TRIM37: variants seen among roughly 807,000 people sequenced by gnomAD.
TRIM37 encodes the protein tripartite motif containing 37, also known as E3 ubiquitin-protein ligase TRIM37.
Under a neutral mutation model 129.8 loss-of-function variants are expected in TRIM37, and 80 were observed. That is an observed-to-expected ratio of 0.62 (90% CI 0.51 to 0.74). The LOEUF is 0.74. TRIM37 is among the 30% of genes least tolerant of loss of function. The probability of loss-of-function intolerance (pLI) is 0.00; values close to 1 mark genes in which losing one functional copy is unlikely to be tolerated. For missense variants in TRIM37, 1,054 were observed against 1,176.5 expected (o/e 0.90, Z 1.52); for synonymous variants, 389 against 387.1 (o/e 1.00, Z -0.06).
intron 16 of TRIM37, among the ~76,000 whole-genome samples, chr17:59,042,573 G>A (rs1265196887): frequency 6.6e-6 from 1 of 150,502 alleles, no homozygotes; most frequent in Admixed American, 6.6e-5. Flanking sequence ...GACCAGCCTG[G>A]CCAACATGGC....
intron 2 of TRIM37, among the ~76,000 whole-genome samples, chr17:59,093,456 T>C (rs2044576919): frequency 6.6e-6 from 1 of 152,206 alleles, no homozygotes; most frequent in African/African-American, 2.4e-5. Context: ...CTCCTACTCA[T>C]TGTTTAGATT....
At chr17:59,068,315 G>A (rs1352039674) in intron 9 of TRIM37, among the ~76,000 whole-genome samples, 2 of 152,194 alleles carry the variant, frequency 1.3e-5, no homozygotes, top group Admixed American at 1.3e-4. Flanking sequence ...TGCTCAAGAC[G>A]CATTTCTGAA....
In TRIM37 at chr17:59,028,487, A is replaced by C. The variant is rs1457155435; in HGVS notation, c.2185T>G (p.Ser729Ala). The C allele has an allele frequency of 6.2e-7, 1 of 1,614,204 alleles. No homozygotes were observed. Among genetic ancestry groups the C allele is most frequent in the African/African-American group, 1.3e-5 (1 of 75,062 alleles). The stretch of plus-strand genomic sequence containing the variant: ...ATTCCCAAATCCTGCAATCTGCCAG[A>C]GTTTTCAGTTCCACATGCAGCCAGA... ...AALAACGTENSGRLQDLGMEL... is the reference protein window; with the variant it reads ...AALAACGTENAGRLQDLGMEL... The change falls in exon 19 of 24, where the codon TCT (serine) becomes GCT (alanine). Residue 729 changes from serine (S) to alanine (A), a missense_variant. Physicochemically the swap from Ser to Ala is moderately conservative, Grantham distance 99 (BLOSUM62 1). Around this residue, in one of 3 missense-constraint regions of TRIM37, gnomAD observed 15 missense variants for 31.4 expected, o/e 0.48. Transcript: ENST00000262294.
intron 24 of TRIM37, among the ~76,000 whole-genome samples, chr17:58,985,575 T>C (rs911180762): frequency 2.0e-5 from 3 of 152,174 alleles, no homozygotes; most frequent in African/African-American, 7.2e-5. Context: ...AAGGAAATCA[T>C]CAGATGAGCT....
At chr17:59,034,599 A>T (rs1428972532) in intron 17 of TRIM37, among the ~76,000 whole-genome samples, 4 of 151,928 alleles carry the variant, frequency 2.6e-5, no homozygotes, top group African/African-American at 9.7e-5. Flanking sequence ...ACCTCAGGTG[A>T]TTGGCCCGCC....
chr17:59,009,443 C>CTTTT (rs61545184), intron 22 of TRIM37, among the ~76,000 whole-genome samples: 3 of 107,622 alleles, frequency 2.8e-5, no homozygotes, highest in African/African-American at 9.7e-5. Flanking sequence ...AATTTCTTTT[C>CTTTT]TTTTTTTTTT....
the TRIM37 span, among the ~76,000 whole-genome samples, chr17:58,972,560 A>G: frequency 1.3e-5 from 2 of 152,160 alleles, no homozygotes; most frequent in African/African-American, 4.8e-5. Flanking sequence ...CATGTTGGCC[A>G]GGCTGGTCTT....
In TRIM37 at chr17:59,079,909, T is replaced by C. The variant is rs1486586043; in HGVS notation, c.493-32A>G. ...GATAAAGAGGTAAGAATAATTTTAA[T>C]TGGGTAAATTTTAAAAACAGAAGCA... On this transcript the variant is annotated intron_variant, in intron 6 of 23. Transcript: ENST00000262294. The C allele has an allele frequency of 2.5e-6, 4 of 1,608,154 alleles. No individual in the cohort carries two copies. The African/African-American group carries it at 4.0e-5, about 16-fold the overall frequency.
chr17:59,099,223 G>C (rs532706883), intron 2 of TRIM37, among the ~76,000 whole-genome samples: 1 of 151,944 alleles, frequency 6.6e-6, no homozygotes, highest in Admixed American at 6.6e-5. Flanking sequence ...ACAAAAAGTG[G>C]TATATAGCCA....
At chr17:59,066,711 T>G (rs1180134336) in intron 9 of TRIM37, among the ~76,000 whole-genome samples, 1 of 152,116 alleles carries the variant, frequency 6.6e-6, no homozygotes, top group Non-Finnish European at 1.5e-5. Context: ...CTAGGGAAAA[T>G]TTTTTGGACA....
intron 24 of TRIM37, among the ~76,000 whole-genome samples, chr17:58,989,441 T>TA (rs1426082672): frequency 4.0e-5 from 6 of 151,230 alleles, no homozygotes; most frequent in East Asian, 1.9e-4. Flanking sequence ...CTCAAAAAAA[T>TA]AAAAAAAATA....
chr17:58,974,349 T>C, the TRIM37 span, among the ~76,000 whole-genome samples: 1 of 152,214 alleles, frequency 6.6e-6, no homozygotes, highest in African/African-American at 2.4e-5. Context: ...GTATGTGGAA[T>C]ACAGTCACCT....
intron 16 of TRIM37, among the ~76,000 whole-genome samples, chr17:59,042,565 C>T (rs1025411233): frequency 6.7e-6 from 1 of 149,928 alleles, no homozygotes; most frequent in Non-Finnish European, 1.5e-5. Context: ...GATTTCGAGA[C>T]CAGCCTGGCC....
intron 16 of TRIM37, 26 bp from the exon 17 acceptor site, chr17:59,041,924 T>C (rs2039206898): frequency 6.5e-7 from 1 of 1,535,008 alleles, no homozygotes. Flanking sequence ...ATCCATCATT[T>C]ATATAGAGTG....
At chr17:59,081,937 C>CAAAAAAAAAAAAAAAA (rs1157296161) in intron 5 of TRIM37, among the ~76,000 whole-genome samples, 2 of 48,908 alleles carry the variant, frequency 4.1e-5, no homozygotes, top group African/African-American at 8.5e-5. Context: ...TAATAAAAAC[C>CAAAAAAAAAAAAAAAA]AAAAAAAAAA....
rs2031474028 is a variant in TRIM37 at position 58,983,158 on chromosome 17, ATT to A, written c.2892-239_2892-238del. ...CACAGACCCATCTTTAGGGGTCTGG[ATT>A]TTGTAGGTCCGACTACACAGCAGTG... On this transcript the variant is annotated intron_variant, in intron 24 of 24. Transcript: ENST00000393066. 5 of 454,698 alleles carry A rather than the reference ATT, an allele frequency of 1.1e-5. No individual in the cohort carries two copies. The Middle Eastern group carries it at 1.8e-3, about 160-fold the overall frequency. 28.2% of individuals were successfully genotyped at this position (454,698 alleles called of 1,614,324 possible). A position where few individuals can be genotyped will look rare whatever the true frequency, so the allele number is the denominator to read the frequency against.
intron 21 of TRIM37, 58 bp downstream of exon 21, chr17:59,015,552 G>T (rs1012290556): frequency 6.4e-7 from 1 of 1,557,962 alleles, no homozygotes; most frequent in Non-Finnish European, 8.8e-7. Context: ...CATACTTAAA[G>T]TTCCAAACAA....
At chr17:58,976,822 T>C in the TRIM37 span, among the ~76,000 whole-genome samples, 2 of 152,146 alleles carry the variant, frequency 1.3e-5, no homozygotes, top group African/African-American at 4.8e-5. Context: ...AGTCTTTTAA[T>C]TGAAGCACTA....
chr17:58,984,548 G>A (rs1411321676), intron 24 of TRIM37: 2 of 152,628 alleles, frequency 1.3e-5, no homozygotes, highest in Admixed American at 6.5e-5. Context: ...ACTTTAATTT[G>A]AGACCATTTT....
Sources: gnomAD v4.1 joint callset for allele counts (sites outside exome capture counted in the v4.1 genomes callset) on GRCh38, gnomAD v4.1.1 for gene constraint, gnomAD v4.1.1 regional missense constraint, MANE v1.5 for transcripts, NCBI Gene and HGNC (gene_info 2026-07-23, HGNC 2026-07-21) for gene names.